Variants in PLXND1 observed in about 807,000 individuals in gnomAD.
PLXND1 encodes plexin D1.
Under a neutral mutation model 197.7 loss-of-function variants are expected in PLXND1, and 54 were observed. That is an observed-to-expected ratio of 0.27 (90% confidence interval 0.22 to 0.34). The LOEUF is 0.34. Among genes scored for constraint, PLXND1 ranks in the 10% least tolerant of loss-of-function variants. The pLI, the probability that PLXND1 is intolerant of heterozygous loss-of-function variation, is 1.00. For missense variants in PLXND1, 2,127 were observed against 2,699.2 expected (o/e 0.79, Z 4.70); for synonymous variants, 1,180 against 1,161.2 (o/e 1.02, Z -0.33).
At chr3:129,579,431 G>A (rs1290246708) in intron 8 of PLXND1, among the ~76,000 whole-genome samples, 1 of 152,184 alleles carries the variant, frequency 6.6e-6, no homozygotes, top group Non-Finnish European at 1.5e-5. Flanking sequence ...AAGAAACTGA[G>A]GCCTGGGGGA....
chr3:129,569,805 C>T lies in PLXND1; in HGVS notation c.3865+38G>A, dbSNP rs189033992. 31 of 1,205,576 alleles carry T rather than the reference C, an allele frequency of 2.6e-5. 1 individual carries two copies. In the African/African-American group the frequency reaches 4.2e-4, roughly 16 times the overall value. The allele number at this position is 1,205,576 out of a possible 1,614,324, so 74.7% of individuals were successfully genotyped here. The stretch of plus-strand genomic sequence containing the variant: ...AGAGGGGCTGGGGCAAGGTGGCAAG[C>T]CTGCCCTCCAAGGTGTCCTGAGGGT... On this transcript the variant is annotated intron_variant, in intron 20 of 35. Coordinates refer to ENST00000324093, the MANE Select transcript of PLXND1 (RefSeq NM_015103.3).
At chr3:129,572,968 G>A in intron 13 of PLXND1, 27 bp from the exon 14 acceptor site, 2 of 1,561,232 alleles carry the variant, frequency 1.3e-6, no homozygotes, top group South Asian at 2.2e-5. Flanking sequence ...TGGTCAGCCA[G>A]CGGTCCTTGG....
rs780652598 is a variant in PLXND1 at position 129,558,527 on chromosome 3, G to A, written c.5346C>T (p.Val1782=). ...TGTGGTCTGTCTTGTCGATGTCAAAGACAAACTGGGGGTTCTTCAGGATGT... is the reference window on the plus strand; with the variant it reads ...TGTGGTCTGTCTTGTCGATGTCAAAAACAAACTGGGGGTTCTTCAGGATGT... ...WVNILKNPQF[V]FDIDKTDHID... is the part of the protein sequence containing the mutation. Residue 1782 remains valine (V), a synonymous_variant, in exon 33 of 36, where the codon GTC becomes GTT. Transcript: ENST00000324093. This position sits in a 1 kb window ranked among gnomAD's most constrained non-coding sequence, Gnocchi z 4.1. 3.7e-6 allele frequency: 6 copies of A among 1,614,082 alleles called. No homozygotes were observed. Among genetic ancestry groups the A allele is most frequent in the Non-Finnish European group, 4.2e-6 (5 of 1,180,000 alleles).
intron 3 of PLXND1, 44 bp downstream of exon 3, chr3:129,586,544 T>TC: frequency 6.4e-7 from 1 of 1,554,272 alleles, no homozygotes; most frequent in Non-Finnish European, 8.7e-7. Context: ...GCAAGAGGGC[T>TC]CGGCTGGTGC....
intron 1 of PLXND1, among the ~76,000 whole-genome samples, chr3:129,597,935 G>A (rs2085652176): frequency 6.6e-6 from 1 of 152,182 alleles, no homozygotes; most frequent in Non-Finnish European, 1.5e-5. Context: ...GGAGTTACCT[G>A]GTCCAGCCAC....
chr3:129,568,499 G>T (rs1168402673), intron 20 of PLXND1, among the ~76,000 whole-genome samples: 1 of 151,992 alleles, frequency 6.6e-6, no homozygotes, highest in Non-Finnish European at 1.5e-5. Flanking sequence ...GTGAAATAAC[G>T]TACATACCAT....
chr3:129,556,409 G>C lies in PLXND1; in HGVS notation c.5681C>G (p.Ala1894Gly). Residue 1894 changes from alanine (A) to glycine (G), a missense_variant, in exon 36 of 36, where the codon GCC (alanine) becomes GGC (glycine). Physicochemically the swap from Ala to Gly is moderately conservative, Grantham distance 60 (BLOSUM62 0). This residue lies in a region of PLXND1 where 200 missense variants were observed against 303.3 expected (regional missense o/e 0.66). Coordinates refer to ENST00000324093, the MANE Select transcript of PLXND1 (RefSeq NM_015103.3). The part of the protein sequence containing the change: ...YRPQIMAALE[A>G]NPTARRTQLQ... Reference sequence around the variant, plus strand: ...TTGTGTCCTCCGGGCCGTGGGGTTGGCCTCCAGCGCGGCCATGATCTGAGG... The same window carrying C: ...TTGTGTCCTCCGGGCCGTGGGGTTGCCCTCCAGCGCGGCCATGATCTGAGG... 1 of 1,613,932 alleles carries C rather than the reference G, an allele frequency of 6.2e-7. No homozygotes were observed. Among genetic ancestry groups the C allele is most frequent in the East Asian group, 2.2e-5 (1 of 44,886 alleles).
At chr3:129,564,544 T>C (rs2085110642) in intron 25 of PLXND1, among the ~76,000 whole-genome samples, 1 of 152,172 alleles carries the variant, frequency 6.6e-6, no homozygotes, top group South Asian at 2.1e-4. Context: ...AGGCAGGCCT[T>C]TGCCTTTCTC....
Position 129,605,629 on chromosome 3 carries a change from G to C in PLXND1, c.1011C>G (p.Ser337=), listed in dbSNP as rs978699322. 2.0e-6 allele frequency: 3 copies of C among 1,537,634 alleles called. No homozygotes were observed. In the African/African-American group the frequency reaches 4.1e-5, roughly 21 times the overall value. The change falls in exon 1 of 36, where the codon TCC becomes TCG. Residue 337 remains serine, a synonymous_variant. Transcript: ENST00000324093. ...AGGDAKKLTE[S]YIQLGLQCAG... is the part of the protein sequence containing the mutation. ...CGCACTGCAAGCCCAACTGGATGTA[G>C]GACTCGGTGAGCTTCTTGGCGTCGC... is the stretch of plus-strand genomic sequence containing the variant.
rs770030638 is a variant in PLXND1 at position 129,571,796 on chromosome 3, C to T, written c.3126G>A (p.Pro1042=). The change falls in exon 16 of 36, where the codon CCG becomes CCA. Residue 1042 remains proline, a synonymous_variant. Coordinates refer to ENST00000324093, the MANE Select transcript of PLXND1 (RefSeq NM_015103.3). The part of the protein sequence containing the change: ...IACTMPEGAL[P]APVPVCVRFE... ...AGCGCACACACACAGGCACCGGAGC[C>T]GGCAGGGCCCCCTCAGGCATGGTGC... is the stretch of plus-strand genomic sequence containing the variant. 30 of 1,613,026 alleles carry T rather than the reference C, an allele frequency of 1.9e-5. 1 individual carries two copies. The highest frequency in any genetic ancestry group is 1.4e-4 in the South Asian group (13 of 91,062).
chr3:129,558,645 GGA>G lies in PLXND1; in HGVS notation c.5298-72_5298-71del. On this transcript the variant is annotated intron_variant, in intron 32 of 35. Transcript: ENST00000324093. This position sits in a 1 kb window ranked among gnomAD's most constrained non-coding sequence, Gnocchi z 4.1. The stretch of plus-strand genomic sequence containing the variant: ...GAAGCAGTCGAGGGACAGTTGTGGA[GGA>G]GAGAGCTGGCTTTGTCCCTCAAGGG... 1 of 1,467,794 alleles carries G rather than the reference GGA, an allele frequency of 6.8e-7. No homozygotes were observed. Among genetic ancestry groups the G allele is most frequent in the Non-Finnish European group, 9.4e-7 (1 of 1,062,394 alleles). The allele number at this position is 1,467,794 out of a possible 1,614,324, so 90.9% of individuals were successfully genotyped here.
chr3:129,584,536 G>A lies in PLXND1; in HGVS notation c.1878C>T (p.Ser626=). ...YPGMILQISG[S]LPSLSGMEMA... is the part of the protein sequence containing the mutation. ...TCTCCATGCCACTGAGGCTGGGCAG[G>A]CTGCCCGAGATCTGCAGGATCATGC... The change falls in exon 6 of 36, where the codon AGC becomes AGT. Residue 626 remains serine, a synonymous_variant. Transcript: ENST00000324093. The A allele has an allele frequency of 6.2e-7, 1 of 1,611,402 alleles. No homozygotes were observed.
chr3:129,571,463 T>A, intron 17 of PLXND1, 46 bp downstream of exon 17: 1 of 1,566,708 alleles, frequency 6.4e-7, no homozygotes, highest in South Asian at 1.1e-5. Flanking sequence ...GCCCTGGCTG[T>A]GCCTGGGCCA....
chr3:129,555,833 T>C lies in PLXND1; in HGVS notation c.*479A>G. ...TCTACGGGTGAGGGGGAAGTGGAGA[T>C]AACATTTTGGTAGTTGAAGCAGAAA... On this transcript the variant is annotated 3_prime_UTR_variant, in exon 36 of 36. Transcript: ENST00000324093. 2.9e-6 allele frequency: 1 copy of C among 346,482 alleles called. No homozygotes were observed. The highest frequency in any genetic ancestry group is 4.6e-5 in the Admixed American group (1 of 21,564). The allele number at this position is 346,482 out of a possible 1,614,324, so 21.5% of individuals were successfully genotyped here.
Position 129,558,029 on chromosome 3 carries a change from G to A in PLXND1, c.5445+399C>T, listed in dbSNP as rs2084999831. Among the ~76,000 whole-genome samples, 1 of 152,148 alleles carries A rather than the reference G, an allele frequency of 6.6e-6. No individual in the cohort carries two copies. The highest frequency in any genetic ancestry group is 2.4e-5 in the African/African-American group (1 of 41,440). ...TCACCCCTCTGCCCACCCCTTCACT[G>A]AATGCTCGCTTGAATGGCTTTTGAC... On this transcript the variant is annotated intron_variant, in intron 33 of 35. Coordinates refer to ENST00000324093, the MANE Select transcript of PLXND1 (RefSeq NM_015103.3). The surrounding 1 kb of genome is among the most constrained non-coding windows in gnomAD (Gnocchi z 4.1).
chr3:129,556,340 T>G lies in PLXND1; in HGVS notation c.5750A>C (p.Asn1917Thr). 6.2e-7 allele frequency: 1 copy of G among 1,613,460 alleles called. No individual in the cohort carries two copies. Among genetic ancestry groups the G allele is most frequent in the Non-Finnish European group, 8.5e-7 (1 of 1,179,322 alleles). ...FEQVVALMED[N>T]IYECYSEA ...GGCCTCACTGTAGCACTCGTAGATG[T>G]TGTCCTCCATCAAAGCCACCACCTG... Residue 1917 changes from asparagine (N) to threonine (T), a missense_variant, in exon 36 of 36, where the codon AAC (asparagine) becomes ACC (threonine). Transcript: ENST00000324093.
In PLXND1 at chr3:129,606,034, C is replaced by T. The variant is rs1466969064; in HGVS notation, c.606G>A (p.Ala202=). ...VGLVLPPAAG[A]GGSRLLVGAT... ...CGCCCACGAGCAGGCGGCTGCCCCC[C>T]GCGCCCGCGGCGGGAGGCAGAACTA... Residue 202 remains alanine, a synonymous_variant, in exon 1 of 36, where the codon GCG becomes GCA. Coordinates refer to ENST00000324093, the MANE Select transcript of PLXND1 (RefSeq NM_015103.3). 5 of 1,597,636 alleles carry T rather than the reference C, an allele frequency of 3.1e-6. No homozygotes were observed. Among genetic ancestry groups the T allele is most frequent in the Non-Finnish European group, 4.3e-6 (5 of 1,175,226 alleles).
In PLXND1 at chr3:129,570,813, G is replaced by A. The variant is rs755899250; in HGVS notation, c.3723C>T (p.Gly1241=). ...TGATGGGCAGCTGCCCCACGGCCGC[G>A]CCCAGGGACTCGTTGACCGAGCAGT... The part of the protein sequence containing the change: ...IIHCSVNESL[G]AAVGQLPITI... Residue 1241 remains glycine, a synonymous_variant, in exon 19 of 36, where the codon GGC becomes GGT. Coordinates refer to ENST00000324093, the MANE Select transcript of PLXND1 (RefSeq NM_015103.3). The A allele has an allele frequency of 8.1e-6, 13 of 1,614,154 alleles. No homozygotes were observed. The highest frequency in any genetic ancestry group is 4.4e-5 in the South Asian group (4 of 91,086).
chr3:129,582,879 G>A (rs749664290), intron 8 of PLXND1, among the ~76,000 whole-genome samples: 28 of 152,240 alleles, frequency 1.8e-4, no homozygotes, highest in Admixed American at 3.3e-4. Context: ...CCTGGCCCCT[G>A]ACAAGCATGG....
Sources: allele counts gnomAD v4.1 joint callset (sites outside exome capture counted in the v4.1 genomes callset), GRCh38; gene constraint gnomAD v4.1.1; regional missense constraint gnomAD v4.1.1; non-coding constraint Gnocchi (gnomAD v3.1); transcripts MANE v1.5; gene names NCBI Gene and HGNC (gene_info 2026-07-23, HGNC 2026-07-21).